The following HPSE2 variants were observed in gnomAD, a reference collection of about 807,000 sequenced individuals.
The protein encoded by HPSE2 is inactive heparanase-2.
HPSE2 carries 38 observed loss-of-function variants against 60.5 expected under a neutral mutation model. The observed-to-expected ratio is 0.63, with a 90% CI of 0.48 to 0.82. HPSE2 has a LOEUF of 0.82. Ranked by LOEUF, HPSE2 falls within the 40% of genes least tolerant of loss-of-function variation. HPSE2 has a pLI of 0.00. For synonymous variants in HPSE2, 295 were observed against 293.2 expected, an observed-to-expected ratio of 1.01 and a Z score of -0.06; for missense variants, 713 against 740.4, an observed-to-expected ratio of 0.96 and a Z score of 0.43.
intron 3 of HPSE2, among the ~76,000 whole-genome samples, chr10:98,970,898 T>C (rs1322491781): frequency 6.6e-6 from 1 of 152,140 alleles, no homozygotes; most frequent in Non-Finnish European, 1.5e-5. Context: ...CTGTTAAATT[T>C]TAAAAAGTTA....
intron 9 of HPSE2, among the ~76,000 whole-genome samples, chr10:98,492,365 G>A (rs1185860526): frequency 6.6e-6 from 1 of 152,146 alleles, no homozygotes; most frequent in Admixed American, 6.5e-5. Flanking sequence ...AGCAGGGCGT[G>A]GTGATGGGCG....
At chr10:99,300,936 T>G in the HPSE2 span, among the ~76,000 whole-genome samples, 1 of 152,186 alleles carries the variant, frequency 6.6e-6, no homozygotes. Flanking sequence ...TCAGTCTCCA[T>G]GTAACACCCC....
chr10:99,137,276 T>C (rs918141833), intron 3 of HPSE2, among the ~76,000 whole-genome samples: 2 of 152,220 alleles, frequency 1.3e-5, no homozygotes, highest in African/African-American at 2.4e-5. Flanking sequence ...TCCATGCTTA[T>C]GGATAGGAAG....
the HPSE2 span, among the ~76,000 whole-genome samples, chr10:99,280,669 A>T: frequency 2.6e-5 from 4 of 152,166 alleles, no homozygotes; most frequent in Non-Finnish European, 5.9e-5. Context: ...TGCATATGTA[A>T]CACAGCTCTC....
At chr10:98,462,417 G>A (rs1160578526) in intron 11 of HPSE2, among the ~76,000 whole-genome samples, 1 of 152,128 alleles carries the variant, frequency 6.6e-6, no homozygotes, top group African/African-American at 2.4e-5. Flanking sequence ...GACCTCAAGC[G>A]ATCCACCTGC....
chr10:99,138,951 A>G (rs577688897), intron 3 of HPSE2, among the ~76,000 whole-genome samples: 88 of 152,326 alleles, frequency 5.8e-4, no homozygotes, highest in African/African-American at 2.0e-3. Context: ...TACCTAAAGG[A>G]AAAGAAGCCA....
intron 6 of HPSE2, among the ~76,000 whole-genome samples, chr10:98,643,621 C>T (rs1946692890): frequency 1.3e-5 from 2 of 152,154 alleles, no homozygotes; most frequent in African/African-American, 4.8e-5. Context: ...ATTATCCTAT[C>T]TCATAACCTG....
chr10:99,088,573 A>G (rs1399097598), intron 3 of HPSE2, among the ~76,000 whole-genome samples: 1 of 152,148 alleles, frequency 6.6e-6, no homozygotes, highest in Non-Finnish European at 1.5e-5. Flanking sequence ...TATGGTGTAT[A>G]TATACCACAT....
chr10:98,642,796 G>T (rs1946672701), intron 6 of HPSE2, among the ~76,000 whole-genome samples: 3 of 152,134 alleles, frequency 2.0e-5, no homozygotes, highest in African/African-American at 4.8e-5. Context: ...GCAAAGTTCT[G>T]AATTCAATCA....
intron 3 of HPSE2, among the ~76,000 whole-genome samples, chr10:99,051,478 G>A (rs768555400): frequency 6.6e-6 from 1 of 152,146 alleles, no homozygotes; most frequent in Non-Finnish European, 1.5e-5. Flanking sequence ...AGGACACAGA[G>A]TTCAGGGCAG....
chr10:98,788,608 G>A (rs559859507), intron 3 of HPSE2, among the ~76,000 whole-genome samples: 11 of 152,306 alleles, frequency 7.2e-5, no homozygotes, highest in Admixed American at 5.2e-4. Flanking sequence ...TTCCGTGGGC[G>A]TAGGACCCTC....
intron 3 of HPSE2, among the ~76,000 whole-genome samples, chr10:98,782,884 T>G (rs548232321): frequency 1.5e-5 from 2 of 137,012 alleles, no homozygotes; most frequent in Non-Finnish European, 1.6e-5. Context: ...GAATAATGGG[T>G]TGAGTGGGTC....
chr10:98,771,498 T>A (rs1950239975), intron 3 of HPSE2, among the ~76,000 whole-genome samples: 2 of 152,118 alleles, frequency 1.3e-5, no homozygotes. Context: ...TGGGAGCCAC[T>A]CCCACCTCCT....
intron 9 of HPSE2, among the ~76,000 whole-genome samples, chr10:98,510,678 G>C (rs1942359674): frequency 6.6e-6 from 1 of 152,218 alleles, no homozygotes. Flanking sequence ...GCACAGCAGT[G>C]AATATGTTAG....
intron 3 of HPSE2, among the ~76,000 whole-genome samples, chr10:99,108,842 C>A (rs1301050125): frequency 6.6e-6 from 1 of 152,190 alleles, no homozygotes; most frequent in Non-Finnish European, 1.5e-5. Flanking sequence ...ACTATATCCT[C>A]TCATGCATTT....
chr10:99,042,165 C>A lies in HPSE2; in HGVS notation c.610+102073G>T, dbSNP rs927571820. ...CCCTGGTCCCTGCCCTTCCTCCCAA[C>A]AGGCTAGGGAGGAAACCAAGAGCCT... On this transcript the variant is annotated intron_variant, in intron 3 of 11. Coordinates refer to ENST00000370552, the MANE Select transcript of HPSE2 (RefSeq NM_021828.5). 1.2e-4 allele frequency among the ~76,000 whole-genome samples: 18 copies of A among 151,982 alleles called. 1 individual carries two copies. The highest frequency in any genetic ancestry group is 1.0e-3 in the Admixed American group (16 of 15,254).
At chr10:98,690,596 A>C (rs1020059930) in intron 6 of HPSE2, among the ~76,000 whole-genome samples, 6 of 152,164 alleles carry the variant, frequency 3.9e-5, no homozygotes, top group African/African-American at 1.4e-4. Context: ...AAATAAAAGT[A>C]GATCTCATGC....
At chr10:99,164,878 G>T (rs750231658) in intron 2 of HPSE2, among the ~76,000 whole-genome samples, 3 of 152,034 alleles carry the variant, frequency 2.0e-5, no homozygotes, top group Non-Finnish European at 4.4e-5. Context: ...GAGGTCAGGA[G>T]ATTGAGACCA....
chr10:98,769,895 A>T (rs1485769025), intron 3 of HPSE2, among the ~76,000 whole-genome samples: 4 of 152,240 alleles, frequency 2.6e-5, no homozygotes, highest in Admixed American at 2.6e-4. Flanking sequence ...TTGATCACAT[A>T]CAAAAGCCAC....
Sources: gnomAD v4.1 joint callset for allele counts (sites outside exome capture counted in the v4.1 genomes callset) on GRCh38, gnomAD v4.1.1 for gene constraint, MANE v1.5 for transcripts, NCBI Gene and HGNC (gene_info 2026-07-23, HGNC 2026-07-21) for gene names.